The following SHISAL2A variants were observed in gnomAD, a reference collection of about 807,000 sequenced individuals.
SHISAL2A encodes the protein protein shisa-like-2A.
Under a neutral mutation model 11.5 loss-of-function variants are expected in SHISAL2A, and 18 were observed. The ratio of observed to expected loss-of-function variants is 1.57; its 90% CI spans 1.08 to 2.33. The LOEUF (loss-of-function observed/expected upper bound fraction) is 2.33, where lower values mean the gene tolerates loss of function less well. Among genes scored for constraint, SHISAL2A ranks in the 30% most tolerant of loss-of-function variants. SHISAL2A has a pLI of 0.00. For missense variants in SHISAL2A, 261 were observed against 250.9 expected, an observed-to-expected ratio of 1.04 and a Z score of -0.27; for synonymous variants, 94 against 99.6, an observed-to-expected ratio of 0.94 and a Z score of 0.34.
chr1:52,658,070 TG>T (rs1691834868), downstream of SHISAL2A, among the ~76,000 whole-genome samples: 1 of 151,946 alleles, frequency 6.6e-6, no homozygotes, highest in Admixed American at 6.6e-5. Flanking sequence ...GACGGAGTTT[TG>T]CTCTGTCACT....
chr1:52,663,563 C>A (rs2149895780), intron 4 of SHISAL2A, among the ~76,000 whole-genome samples: 1 of 152,146 alleles, frequency 6.6e-6, no homozygotes, highest in South Asian at 2.1e-4. Flanking sequence ...GAGGTCGAGA[C>A]CAGCCTGGCC....
chr1:52,664,339 G>A lies in SHISAL2A; in HGVS notation n.696-3060G>A, dbSNP rs541250613. 6.5e-4 allele frequency among the ~76,000 whole-genome samples: 94 copies of A among 143,974 alleles called. 2 individuals carry two copies. The East Asian group carries it at 0.017, about 25-fold the overall frequency. The allele number at this position is 143,974 out of a possible 152,430, so 94.5% of individuals were successfully genotyped here. A position where few individuals can be genotyped will look rare whatever the true frequency, so the allele number is the denominator to read the frequency against. On this transcript the variant is annotated intron_variant and non_coding_transcript_variant, in intron 4 of 5. Coordinates refer to the SHISAL2A transcript ENST00000401050. The stretch of plus-strand genomic sequence containing the variant: ...TCGAATAGCTGGGACTACAGGCGCC[G>A]GCCACCACGCCCAGCTAATTTTTTT...
chr1:52,650,586 G>A (rs536537145), intron 2 of SHISAL2A, among the ~76,000 whole-genome samples: 23 of 150,362 alleles, frequency 1.5e-4, no homozygotes, highest in African/African-American at 4.7e-4. Flanking sequence ...ATTATTAGGC[G>A]CTTCAATTTT....
intron 2 of SHISAL2A, among the ~76,000 whole-genome samples, chr1:52,644,678 T>A (rs1294250631): frequency 6.8e-6 from 1 of 147,630 alleles, no homozygotes; most frequent in Admixed American, 6.8e-5. Context: ...AAGCCAAGAT[T>A]GTGCCATTGC....
At chr1:52,654,537 C>A (rs1380584142) in intron 2 of SHISAL2A, among the ~76,000 whole-genome samples, 1 of 152,106 alleles carries the variant, frequency 6.6e-6, no homozygotes, top group African/African-American at 2.4e-5. Context: ...GGTGCAAAAT[C>A]AATTCAACTG....
At chr1:52,646,284 A>G (rs1324968747) in intron 2 of SHISAL2A, among the ~76,000 whole-genome samples, 1 of 152,238 alleles carries the variant, frequency 6.6e-6, no homozygotes, top group East Asian at 1.9e-4. Context: ...TAGAGAATAG[A>G]GTACTAAAGT....
intron 2 of SHISAL2A, among the ~76,000 whole-genome samples, chr1:52,650,228 G>A (rs1469461189): frequency 6.6e-6 from 1 of 152,178 alleles, no homozygotes; most frequent in African/African-American, 2.4e-5. Context: ...TCCAAGCAGG[G>A]GGAAAACCTG....
At chr1:52,666,638 T>C (rs967397437) in intron 4 of SHISAL2A, among the ~76,000 whole-genome samples, 2 of 152,054 alleles carry the variant, frequency 1.3e-5, no homozygotes, top group African/African-American at 2.4e-5. Context: ...TGCTGAGCAT[T>C]GTGTCTGGCA....
At chr1:52,651,961 C>T (rs1183946558) in intron 2 of SHISAL2A, among the ~76,000 whole-genome samples, 1 of 152,148 alleles carries the variant, frequency 6.6e-6, no homozygotes, top group African/African-American at 2.4e-5. Flanking sequence ...CAAAGTAGCA[C>T]AATGATTTAA....
chr1:52,650,770 A>G (rs531272223), intron 2 of SHISAL2A, among the ~76,000 whole-genome samples: 1 of 147,848 alleles, frequency 6.8e-6, no homozygotes, highest in African/African-American at 2.5e-5. Flanking sequence ...TCAGCCTCTC[A>G]TGTAGCTGAG....
At chr1:52,665,160 T>C (rs796725424) in intron 4 of SHISAL2A, among the ~76,000 whole-genome samples, 14 of 152,352 alleles carry the variant, frequency 9.2e-5, no homozygotes, top group African/African-American at 3.4e-4. Context: ...TGTTATTTAT[T>C]GTTACTAAAT....
At chr1:52,652,423 G>C (rs574631670) in intron 2 of SHISAL2A, among the ~76,000 whole-genome samples, 69 of 152,084 alleles carry the variant, frequency 4.5e-4, no homozygotes, top group Admixed American at 6.5e-5. Context: ...TTACAAATTT[G>C]TTTTGTTTTT....
chr1:52,668,685 A>G (rs1329464605), exon 6 of SHISAL2A: 1 of 152,232 alleles, frequency 6.6e-6, no homozygotes, highest in Non-Finnish European at 1.5e-5. Context: ...ACTCCTCCCC[A>G]TCCGCTCCTA....
downstream of SHISAL2A, among the ~76,000 whole-genome samples, chr1:52,658,461 T>C (rs567772992): frequency 6.6e-6 from 1 of 152,334 alleles, no homozygotes; most frequent in African/African-American, 2.4e-5. Flanking sequence ...TGGAGCCAAA[T>C]GCCTGGTTAA....
intron 4 of SHISAL2A, among the ~76,000 whole-genome samples, chr1:52,666,067 T>G (rs1014845236): frequency 1.3e-5 from 2 of 152,214 alleles, no homozygotes; most frequent in Non-Finnish European, 2.9e-5. Flanking sequence ...TCCCAGCCCT[T>G]CTGGCCTCAC....
At chr1:52,663,629 C>A (rs987550591) in intron 4 of SHISAL2A, among the ~76,000 whole-genome samples, 1 of 152,086 alleles carries the variant, frequency 6.6e-6, no homozygotes, top group African/African-American at 2.4e-5. Flanking sequence ...GGCGTGGTGG[C>A]GCATGCCTGT....
At chr1:52,655,451 A>AC (rs1343222625) in intron 2 of SHISAL2A, among the ~76,000 whole-genome samples, 1 of 115,062 alleles carries the variant, frequency 8.7e-6, no homozygotes, top group East Asian at 2.2e-4. Context: ...CCCTGTATCT[A>AC]CAAAAAAAAA....
At chr1:52,653,039 C>T (rs965780350) in intron 2 of SHISAL2A, among the ~76,000 whole-genome samples, 1 of 131,528 alleles carries the variant, frequency 7.6e-6, no homozygotes, top group Non-Finnish European at 1.6e-5. Flanking sequence ...AAGTCAAAAC[C>T]AAACATCAAT....
chr1:52,650,275 C>T (rs192807755), intron 2 of SHISAL2A, among the ~76,000 whole-genome samples: 2 of 152,290 alleles, frequency 1.3e-5, no homozygotes, highest in East Asian at 3.9e-4. Context: ...CAGGCTAGGC[C>T]CATGTTCAGG....
Sources: allele counts gnomAD v4.1 joint callset (sites outside exome capture counted in the v4.1 genomes callset), GRCh38; gene constraint gnomAD v4.1.1; transcripts MANE v1.5; gene names NCBI Gene and HGNC (gene_info 2026-07-23, HGNC 2026-07-21).